CRYM: variants seen among roughly 807,000 people sequenced by gnomAD.
CRYM encodes crystallin mu, also known as ketimine reductase mu-crystallin.
Under a neutral mutation model 32.9 loss-of-function variants are expected in CRYM, and 18 were observed. The ratio of observed to expected loss-of-function variants is 0.55; its 90% CI spans 0.38 to 0.81. CRYM has a LOEUF of 0.81. Ranked by LOEUF, CRYM falls within the 30% of genes least tolerant of loss-of-function variation. The probability of loss-of-function intolerance (pLI) is 0.00; values close to 1 mark genes in which losing one functional copy is unlikely to be tolerated. For synonymous variants in CRYM, 153 were observed against 152.4 expected, an observed-to-expected ratio of 1.00 and a Z score of -0.03; for missense variants, 337 against 393.5, an observed-to-expected ratio of 0.86 and a Z score of 1.21.
chr16:21,258,623 A>G lies in CRYM; in HGVS notation c.*158T>C. On this transcript the variant is annotated 3_prime_UTR_variant, in exon 8 of 8. Transcript: ENST00000572914. ...AATGGCTACCTAGCTTTGCTTTCCA[A>G]CTACAAACATAAATGAGGATCTCAG... 2 of 711,016 alleles carry G rather than the reference A, an allele frequency of 2.8e-6. No individual in the cohort carries two copies. Among genetic ancestry groups the G allele is most frequent in the Non-Finnish European group, 5.0e-6 (2 of 399,406 alleles). The allele number at this position is 711,016 out of a possible 1,614,324, so 44.0% of individuals were successfully genotyped here. A position where few individuals can be genotyped will look rare whatever the true frequency, so the allele number is the denominator to read the frequency against.
At chr16:21,285,944 A>ATTAT (rs113819389) in intron 1 of CRYM, among the ~76,000 whole-genome samples, 27 of 152,240 alleles carry the variant, frequency 1.8e-4, no homozygotes, top group African/African-American at 6.5e-4. Context: ...CATGTAGCTA[A>ATTAT]TTATTATTCC....
chr16:21,278,486 C>G, upstream of CRYM: 1 of 597,742 alleles, frequency 1.7e-6, no homozygotes, highest in South Asian at 2.0e-5. Context: ...CCAAGATGGA[C>G]ATCGCGGTGG....
intron 1 of CRYM, among the ~76,000 whole-genome samples, chr16:21,296,582 T>C (rs1169299727): frequency 6.6e-6 from 1 of 152,152 alleles, no homozygotes; most frequent in Non-Finnish European, 1.5e-5. Context: ...AATAAACTAC[T>C]TCACTTTAAT....
chr16:21,277,498 G>A lies in CRYM; in HGVS notation c.257C>T (p.Thr86Ile). 6.2e-7 allele frequency: 1 copy of A among 1,613,946 alleles called. No homozygotes were observed. Among genetic ancestry groups the A allele is most frequent in the Non-Finnish European group, 8.5e-7 (1 of 1,180,002 alleles). ...LVTFYEDRGITSVVPSHQATV... is the reference protein window; with the variant it reads ...LVTFYEDRGIISVVPSHQATV... ...AGCCTGGTGGGAAGGGACGACCGAGGTGATGCCGCGGTCCTCGTAGAAGGT... is the reference window on the plus strand; with the variant it reads ...AGCCTGGTGGGAAGGGACGACCGAGATGATGCCGCGGTCCTCGTAGAAGGT... The change falls in exon 2 of 8, where the codon ACC becomes ATC. Residue 86 changes from threonine to isoleucine, a missense_variant. Thr to Ile is a moderately conservative substitution (Grantham distance 89, BLOSUM62 -1). Coordinates refer to ENST00000572914, the MANE Select transcript of CRYM (RefSeq NM_001376256.1). This position sits in a 1 kb window ranked among gnomAD's most constrained non-coding sequence, Gnocchi z 4.2.
chr16:21,281,101 T>C (rs540933268), upstream of CRYM, among the ~76,000 whole-genome samples: 101 of 130,378 alleles, frequency 7.7e-4, no homozygotes, highest in African/African-American at 3.0e-3. Flanking sequence ...TGATTCTCTC[T>C]CTCTCTCACT....
In CRYM at chr16:21,301,383, G is replaced by T. The variant is rs148383611; in HGVS notation, c.-193+1595C>A. Reference sequence around the variant, plus strand: ...GGGCATAGGGTAGGGCGCATGGGACGAGGTGGGTGAGCGCAAGGGACGAGA... The same window carrying T: ...GGGCATAGGGTAGGGCGCATGGGACTAGGTGGGTGAGCGCAAGGGACGAGA... On this transcript the variant is annotated intron_variant, in intron 1 of 9. Coordinates refer to the CRYM transcript ENST00000219599. 647 of 147,744 alleles carry T rather than the reference G, an allele frequency of 4.4e-3. 10 individuals carry two copies. The highest frequency in any genetic ancestry group is 0.019 in the South Asian group (89 of 4,588). 9.2% of individuals were successfully genotyped at this position (147,744 alleles called of 1,614,324 possible).
chr16:21,263,616 G>A (rs1186934618), intron 5 of CRYM, among the ~76,000 whole-genome samples: 2 of 152,214 alleles, frequency 1.3e-5, no homozygotes, highest in African/African-American at 4.8e-5. Flanking sequence ...TCGTCAGAAA[G>A]AAAACTGGCT....
At chr16:21,266,496 C>G (rs1161077724) in intron 5 of CRYM, among the ~76,000 whole-genome samples, 2 of 152,112 alleles carry the variant, frequency 1.3e-5, no homozygotes, top group Non-Finnish European at 2.9e-5. Context: ...TACAGAGGCC[C>G]CAGGCACCCT....
intron 1 of CRYM, among the ~76,000 whole-genome samples, chr16:21,292,977 T>G (rs910780589): frequency 6.6e-6 from 1 of 151,918 alleles, no homozygotes; most frequent in Admixed American, 6.6e-5. Context: ...GATGGATTGA[T>G]GGATGAACGG....
intron 2 of CRYM, among the ~76,000 whole-genome samples, chr16:21,275,989 A>G (rs2093385440): frequency 6.6e-6 from 1 of 152,170 alleles, no homozygotes; most frequent in Non-Finnish European, 1.5e-5. Flanking sequence ...CATCTGGACA[A>G]CGGCCATGAA....
At chr16:21,275,223 G>T (rs955101204) in intron 3 of CRYM, among the ~76,000 whole-genome samples, 5 of 152,172 alleles carry the variant, frequency 3.3e-5, no homozygotes, top group Admixed American at 2.0e-4. Flanking sequence ...TGTGATCCTG[G>T]GCAATTCACA....
chr16:21,279,053 T>C (rs1207164172), upstream of CRYM: 1 of 152,176 alleles, frequency 6.6e-6, no homozygotes, highest in East Asian at 1.9e-4. Flanking sequence ...AGTAAGTTAA[T>C]TCAAAGAAAA....
intron 1 of CRYM, among the ~76,000 whole-genome samples, chr16:21,289,176 TG>T (rs1376238114): frequency 6.6e-6 from 1 of 152,178 alleles, no homozygotes; most frequent in Non-Finnish European, 1.5e-5. Flanking sequence ...TTATTTAAAG[TG>T]GGGTATTGAC....
Position 21,275,607 on chromosome 16 carries a change from G to C in CRYM, c.325-13C>G. 1 of 1,608,748 alleles carries C rather than the reference G, an allele frequency of 6.2e-7. No homozygotes were observed. Among genetic ancestry groups the C allele is most frequent in the Non-Finnish European group, 8.5e-7 (1 of 1,175,098 alleles). On this transcript the variant is annotated splice_polypyrimidine_tract_variant and intron_variant, in intron 2 of 7. Coordinates refer to ENST00000572914, the MANE Select transcript of CRYM (RefSeq NM_001376256.1). Reference sequence around the variant, plus strand: ...TTCCATCCATGACCTTGGAGGAAAAGAGAGACAGTGAGCAAGGGGAACCCC... The same window carrying C: ...TTCCATCCATGACCTTGGAGGAAAACAGAGACAGTGAGCAAGGGGAACCCC...
In CRYM at chr16:21,277,580, G is replaced by C. The variant is rs1191136411; in HGVS notation, c.175C>G (p.Leu59Val). The change falls in exon 2 of 8, where the codon CTG (leucine) becomes GTG (valine). Residue 59 changes from leucine (L) to valine (V), a missense_variant. By Grantham distance (32) the Leu-to-Val change is conservative. Coordinates refer to ENST00000572914, the MANE Select transcript of CRYM (RefSeq NM_001376256.1). The surrounding 1 kb of genome is among the most constrained non-coding windows in gnomAD (Gnocchi z 4.2). ...GCACTGTAGGCGGGCATGACCCCCA[G>C]GTAGCTACAAGGAGAGAGGGAGCAG... is the stretch of plus-strand genomic sequence containing the variant. ...VVPVTKHRGYLGVMPAYSAAE... is the reference protein window; with the variant it reads ...VVPVTKHRGYVGVMPAYSAAE... The C allele has an allele frequency of 6.2e-7, 1 of 1,613,762 alleles. No homozygotes were observed. The highest frequency in any genetic ancestry group is 1.7e-5 in the Admixed American group (1 of 60,032).
chr16:21,282,660 A>G (rs1182605524), upstream of CRYM, among the ~76,000 whole-genome samples: 1 of 152,172 alleles, frequency 6.6e-6, no homozygotes, highest in Admixed American at 6.5e-5. Context: ...CAATGACAAA[A>G]TAAGAAACCT....
At chr16:21,269,343 G>A (rs922712961) in intron 4 of CRYM, among the ~76,000 whole-genome samples, 8 of 152,030 alleles carry the variant, frequency 5.3e-5, no homozygotes, top group African/African-American at 1.9e-4. Context: ...CGCAGTGGGG[G>A]GAAGGTGGAC....
At chr16:21,265,865 T>A in intron 5 of CRYM, among the ~76,000 whole-genome samples, 1 of 152,214 alleles carries the variant, frequency 6.6e-6, no homozygotes, top group East Asian at 1.9e-4. Flanking sequence ...ATCATGAGTA[T>A]CATTTAAAGC....
intron 1 of CRYM, among the ~76,000 whole-genome samples, chr16:21,301,853 C>CGGCGGA (rs767964981): frequency 2.0e-4 from 31 of 152,298 alleles, no homozygotes; most frequent in East Asian, 1.7e-3. Flanking sequence ...CGCCCTTCAG[C>CGGCGGA]GGCGGAGGCG....
Sources: gnomAD v4.1 joint callset for allele counts (sites outside exome capture counted in the v4.1 genomes callset) on GRCh38, gnomAD v4.1.1 for gene constraint, Gnocchi (gnomAD v3.1) non-coding constraint, MANE v1.5 for transcripts, NCBI Gene and HGNC (gene_info 2026-07-23, HGNC 2026-07-21) for gene names.